SLC44A5: variants seen among roughly 807,000 people sequenced by gnomAD.
SLC44A5 encodes the protein choline transporter-like protein 5.
In SLC44A5, 57 loss-of-function variants were observed where a neutral mutation model predicts 101.8. That is an observed-to-expected ratio of 0.56 (90% CI 0.45 to 0.70). The LOEUF (loss-of-function observed/expected upper bound fraction) is 0.70. Among genes scored for constraint, SLC44A5 ranks in the 30% least tolerant of loss-of-function variants. The probability of loss-of-function intolerance (pLI) is 0.00; values close to 1 mark genes in which losing one functional copy is unlikely to be tolerated. For synonymous variants in SLC44A5, 281 were observed against 290.9 expected (o/e 0.97, Z 0.35); for missense variants, 737 against 853.1 (o/e 0.86, Z 1.70).
At chr1:75,551,330 T>C (rs1570593352) in intron 1 of SLC44A5, among the ~76,000 whole-genome samples, 1 of 152,120 alleles carries the variant, frequency 6.6e-6, no homozygotes, top group Middle Eastern at 3.2e-3. Flanking sequence ...GGCAAGTATA[T>C]TCCTATGGTG....
At chr1:75,564,518 G>C (rs573348691) in intron 1 of SLC44A5, among the ~76,000 whole-genome samples, 1 of 151,556 alleles carries the variant, frequency 6.6e-6, no homozygotes, top group Non-Finnish European at 1.5e-5. Context: ...GAATAATCTG[G>C]CTCTTTACCT....
chr1:75,568,473 G>A (rs1331262118), intron 1 of SLC44A5, among the ~76,000 whole-genome samples: 1 of 152,136 alleles, frequency 6.6e-6, no homozygotes, highest in African/African-American at 2.4e-5. Context: ...ATTCTGACTG[G>A]CCCAGATACA....
At chr1:75,479,497 C>A (rs1667677619) in intron 2 of SLC44A5, among the ~76,000 whole-genome samples, 2 of 152,062 alleles carry the variant, frequency 1.3e-5, no homozygotes, top group South Asian at 4.1e-4. Flanking sequence ...AATTGATAGA[C>A]CGCTAGCAAG....
In SLC44A5 at chr1:75,394,116, G is replaced by A. The variant is rs1419100911; in HGVS notation, c.52+2467C>T. 2.0e-5 allele frequency among the ~76,000 whole-genome samples: 3 copies of A among 152,110 alleles called. No individual in the cohort carries two copies. The East Asian group carries it at 5.8e-4, about 29-fold the overall frequency. ...CCCAGACTTTAAGTGTGAGCGACTG[G>A]CCAGAGAAGGAGAGATCAGAGAGTC... On this transcript the variant is annotated intron_variant, in intron 3 of 23. Coordinates refer to ENST00000370859, the MANE Select transcript of SLC44A5 (RefSeq NM_001130058.2).
the SLC44A5 span, among the ~76,000 whole-genome samples, chr1:75,659,805 T>G: frequency 6.6e-6 from 1 of 151,822 alleles, no homozygotes; most frequent in Non-Finnish European, 1.5e-5. Flanking sequence ...CCGATGAACA[T>G]AGATACAAAA....
chr1:75,596,659 A>G (rs1470146285), intron 1 of SLC44A5, among the ~76,000 whole-genome samples: 1 of 152,230 alleles, frequency 6.6e-6, no homozygotes, highest in African/African-American at 2.4e-5. Flanking sequence ...TATGCAAATC[A>G]ATAGTGATTC....
intron 4 of SLC44A5, among the ~76,000 whole-genome samples, chr1:75,319,292 C>A (rs1443355770): frequency 6.6e-6 from 1 of 152,074 alleles, no homozygotes; most frequent in Non-Finnish European, 1.5e-5. Flanking sequence ...CAGGAAATAG[C>A]ATTTGTTGTA....
At chr1:75,256,691 G>A (rs1156515772) in intron 6 of SLC44A5, among the ~76,000 whole-genome samples, 3 of 152,106 alleles carry the variant, frequency 2.0e-5, no homozygotes, top group Non-Finnish European at 2.9e-5. Context: ...TTTCCAGAAA[G>A]TAAAAGGTGA....
chr1:75,627,152 G>A, the SLC44A5 span, among the ~76,000 whole-genome samples: 2 of 152,054 alleles, frequency 1.3e-5, no homozygotes, highest in African/African-American at 2.4e-5. Flanking sequence ...GTAACATGTC[G>A]GTTATACCTT....
the SLC44A5 span, among the ~76,000 whole-genome samples, chr1:75,703,538 C>T: frequency 6.6e-6 from 1 of 151,890 alleles, no homozygotes; most frequent in South Asian, 2.1e-4. Flanking sequence ...GGAGGGATAG[C>T]TTTAGGAGAT....
At chr1:75,296,496 C>A (rs1653975365) in intron 5 of SLC44A5, among the ~76,000 whole-genome samples, 1 of 151,896 alleles carries the variant, frequency 6.6e-6, no homozygotes, top group Non-Finnish European at 1.5e-5. Context: ...TAAGTCAGGT[C>A]CAAGTGTGGA....
At chr1:75,421,737 T>C (rs1471719199) in intron 2 of SLC44A5, among the ~76,000 whole-genome samples, 7 of 152,004 alleles carry the variant, frequency 4.6e-5, no homozygotes, top group Non-Finnish European at 1.0e-4. Flanking sequence ...GAAAAACACA[T>C]AATAGAGGAA....
rs551839853 is a variant in SLC44A5 at position 75,476,193 on chromosome 1, G to GTA, written c.13+65240_13+65241dup. On this transcript the variant is annotated intron_variant, in intron 2 of 23. Coordinates refer to ENST00000370859, the MANE Select transcript of SLC44A5 (RefSeq NM_001130058.2). ...AAGAGATTCTGTATCAAAAAAAAAA[G>GTA]TATATATATATATATAGAAAGTTAT... Among the ~76,000 whole-genome samples, 1,108 of 149,796 alleles carry GTA rather than the reference G, an allele frequency of 7.4e-3. 10 individuals are homozygous for GTA. Among genetic ancestry groups the GTA allele is most frequent in the East Asian group, 0.054 (276 of 5,114 alleles).
chr1:75,512,533 A>G (rs928874277), intron 2 of SLC44A5, among the ~76,000 whole-genome samples: 1 of 152,204 alleles, frequency 6.6e-6, no homozygotes, highest in Non-Finnish European at 1.5e-5. Flanking sequence ...ATCATTCAAC[A>G]ATGATTTGGT....
At chr1:75,274,767 G>A (rs1359663775) in intron 6 of SLC44A5, among the ~76,000 whole-genome samples, 191 bp downstream of exon 6, 1 of 152,122 alleles carries the variant, frequency 6.6e-6, no homozygotes, top group Non-Finnish European at 1.5e-5. Flanking sequence ...GCATAACACT[G>A]ACATCATGTC....
At chr1:75,677,406 T>C in the SLC44A5 span, among the ~76,000 whole-genome samples, 1 of 152,202 alleles carries the variant, frequency 6.6e-6, no homozygotes, top group Non-Finnish European at 1.5e-5. Flanking sequence ...GATAAGTTGT[T>C]ATCAGTTTAA....
chr1:75,601,036 T>C (rs559210871), intron 1 of SLC44A5, among the ~76,000 whole-genome samples: 2 of 152,218 alleles, frequency 1.3e-5, no homozygotes, highest in African/African-American at 4.8e-5. Flanking sequence ...GAGCAAGAAG[T>C]GAGCTCAACA....
At chr1:75,490,030 T>C (rs553418168) in intron 2 of SLC44A5, among the ~76,000 whole-genome samples, 1 of 147,272 alleles carries the variant, frequency 6.8e-6, no homozygotes, top group African/African-American at 2.6e-5. Flanking sequence ...CACATGAAGA[T>C]GTTAAATTGT....
At chr1:75,342,220 T>C (rs879348696) in intron 3 of SLC44A5, among the ~76,000 whole-genome samples, 6 of 152,088 alleles carry the variant, frequency 3.9e-5, no homozygotes, top group Admixed American at 3.9e-4. Flanking sequence ...AAAGGAAAGA[T>C]CATAAACTCT....
Sources: gnomAD v4.1 joint callset for allele counts (sites outside exome capture counted in the v4.1 genomes callset) on GRCh38, gnomAD v4.1.1 for gene constraint, MANE v1.5 for transcripts, NCBI Gene and HGNC (gene_info 2026-07-23, HGNC 2026-07-21) for gene names.